Variants in TSHZ2 observed in about 807,000 individuals in gnomAD.
TSHZ2 encodes the protein teashirt zinc finger homeobox 2.
In TSHZ2, 21 loss-of-function variants were observed where a neutral mutation model predicts 74.4. The observed-to-expected ratio is 0.28, with a 90% CI of 0.20 to 0.41. The LOEUF is 0.41. Ranked by LOEUF, TSHZ2 falls within the 10% of genes least tolerant of loss-of-function variation. TSHZ2 has a pLI of 1.00. For missense variants in TSHZ2, 1,244 were observed against 1,293.5 expected, an observed-to-expected ratio of 0.96 and a Z score of 0.59; for synonymous variants, 540 against 515.3, an observed-to-expected ratio of 1.05 and a Z score of -0.65.
At chr20:53,132,376 A>G (rs1987128898) in intron 1 of TSHZ2, among the ~76,000 whole-genome samples, 1 of 148,616 alleles carries the variant, frequency 6.7e-6, no homozygotes, top group Non-Finnish European at 1.5e-5. Context: ...CAGTGGCACC[A>G]TCTTGGCTCA....
chr20:53,314,363 C>T (rs1391215806), intron 2 of TSHZ2, among the ~76,000 whole-genome samples: 1 of 151,868 alleles, frequency 6.6e-6, no homozygotes, highest in Non-Finnish European at 1.5e-5. Flanking sequence ...CGACCCCAAA[C>T]CTAGCAGCTT....
chr20:53,470,750 T>G (rs1318111587), intron 2 of TSHZ2, among the ~76,000 whole-genome samples: 2 of 152,064 alleles, frequency 1.3e-5, no homozygotes, highest in Non-Finnish European at 2.9e-5. Flanking sequence ...GAGGCAGAGG[T>G]TGCAGTGAGC....
chr20:53,255,738 C>T lies in TSHZ2; in HGVS notation c.2280C>T (p.Asn760=). The T allele has an allele frequency of 6.2e-7, 1 of 1,613,414 alleles. No homozygotes were observed. The highest frequency in any genetic ancestry group is 8.5e-7 in the Non-Finnish European group (1 of 1,179,688). Reference sequence around the variant, plus strand: ...TGTCCAGGCGCTACCTGTTTGAGAACAGCGATCAGCCCATTGACCTGACCA... The same window carrying T: ...TGTCCAGGCGCTACCTGTTTGAGAATAGCGATCAGCCCATTGACCTGACCA... ...ASVSRRYLFE[N]SDQPIDLTKS... is the part of the protein sequence containing the mutation. The change falls in exon 2 of 3, where the codon AAC becomes AAT. Residue 760 remains asparagine (N), a synonymous_variant. Coordinates refer to ENST00000371497, the MANE Select transcript of TSHZ2 (RefSeq NM_173485.6). This position sits in a 1 kb window ranked among gnomAD's most constrained non-coding sequence, Gnocchi z 4.1.
intron 1 of TSHZ2, among the ~76,000 whole-genome samples, chr20:53,145,224 C>T (rs556404229): frequency 3.9e-5 from 6 of 152,280 alleles, no homozygotes; most frequent in Admixed American, 2.6e-4. Flanking sequence ...CTGATCAGGA[C>T]ATGGTGGGTG....
chr20:53,483,369 C>T (rs912598798), intron 2 of TSHZ2, among the ~76,000 whole-genome samples: 1 of 151,974 alleles, frequency 6.6e-6, no homozygotes, highest in Admixed American at 6.6e-5. Context: ...AAAACTTAGC[C>T]GGGCATGGTG....
At chr20:53,320,418 A>G (rs1004946167) in intron 2 of TSHZ2, among the ~76,000 whole-genome samples, 10 of 152,172 alleles carry the variant, frequency 6.6e-5, no homozygotes, top group Non-Finnish European at 1.0e-4. Flanking sequence ...TCCTGCCACT[A>G]TTTGCATCAG....
At chr20:53,247,060 C>A (rs577667659) in intron 1 of TSHZ2, among the ~76,000 whole-genome samples, 1 of 152,224 alleles carries the variant, frequency 6.6e-6, no homozygotes, top group South Asian at 2.1e-4. Context: ...GTACCCACGC[C>A]ATCTCCAGCA....
intron 1 of TSHZ2, among the ~76,000 whole-genome samples, chr20:53,158,149 C>G (rs1162591453): frequency 1.3e-5 from 2 of 152,132 alleles, no homozygotes; most frequent in East Asian, 3.9e-4. Flanking sequence ...ACAGCCAAGA[C>G]CCGGAAGTCA....
intron 1 of TSHZ2, among the ~76,000 whole-genome samples, chr20:53,022,401 A>G (rs1233681414): frequency 6.6e-6 from 1 of 152,082 alleles, no homozygotes; most frequent in Non-Finnish European, 1.5e-5. Flanking sequence ...ACGTGCAGTA[A>G]ACTAGCTGCT....
intron 1 of TSHZ2, among the ~76,000 whole-genome samples, chr20:53,020,090 C>T (rs6022215): frequency 0.087 from 13,202 of 152,044 alleles, 709 homozygotes; most frequent in East Asian, 0.16. Flanking sequence ...CTCGTGAGAA[C>T]CCCCGCACTA....
At chr20:53,228,654 G>A (rs1989743547) in intron 1 of TSHZ2, among the ~76,000 whole-genome samples, 1 of 139,736 alleles carries the variant, frequency 7.2e-6, no homozygotes, top group Non-Finnish European at 1.6e-5. Flanking sequence ...GATGCCAGTG[G>A]CACCACCTCC....
At chr20:53,274,545 C>A (rs905511508) in intron 2 of TSHZ2, among the ~76,000 whole-genome samples, 1 of 152,182 alleles carries the variant, frequency 6.6e-6, no homozygotes, top group East Asian at 1.9e-4. Context: ...TTACTGAAAT[C>A]TTGCGTAATT....
intron 1 of TSHZ2, among the ~76,000 whole-genome samples, chr20:53,190,605 C>T (rs889083699): frequency 5.9e-5 from 9 of 152,172 alleles, no homozygotes; most frequent in African/African-American, 2.2e-4. Context: ...ATTCATGAGG[C>T]TTCGCAGCTT....
rs139444029 is a variant in TSHZ2 at position 53,217,108 on chromosome 20, G to T, written c.41-36391G>T. On this transcript the variant is annotated intron_variant, in intron 1 of 2. Transcript: ENST00000371497. ...GAAAGTCACATTGCTGGTGATGTGC[G>T]GCTGTATCGATGGATGAGTAATTGC... Among the ~76,000 whole-genome samples, 323 of 152,324 alleles carry T rather than the reference G, an allele frequency of 2.1e-3. 1 individual carries two copies. The highest frequency in any genetic ancestry group is 7.6e-3 in the African/African-American group (314 of 41,586).
At chr20:53,452,566 T>G (rs963916646) in intron 2 of TSHZ2, among the ~76,000 whole-genome samples, 5 of 148,422 alleles carry the variant, frequency 3.4e-5, no homozygotes, top group African/African-American at 1.0e-4. Context: ...GCCACCGCAC[T>G]CTAGCCTGGG....
intron 1 of TSHZ2, among the ~76,000 whole-genome samples, chr20:53,146,518 T>C (rs889171073): frequency 5.3e-5 from 8 of 152,222 alleles, no homozygotes; most frequent in African/African-American, 1.9e-4. Context: ...CTTCAGGATG[T>C]GGCTCAGGAT....
chr20:53,147,243 C>CT, intron 1 of TSHZ2, among the ~76,000 whole-genome samples: 1 of 152,284 alleles, frequency 6.6e-6, no homozygotes, highest in South Asian at 2.1e-4. Flanking sequence ...CTTTTAGTGA[C>CT]AATTGATGGG....
At chr20:53,214,483 A>T (rs1989389023) in intron 1 of TSHZ2, among the ~76,000 whole-genome samples, 1 of 152,224 alleles carries the variant, frequency 6.6e-6, no homozygotes, top group Admixed American at 6.5e-5. Flanking sequence ...AGGCCGGCAG[A>T]TCACTTGAAC....
At chr20:53,106,422 T>TTTTTTG (rs1986371166) in intron 1 of TSHZ2, among the ~76,000 whole-genome samples, 1 of 104,996 alleles carries the variant, frequency 9.5e-6, no homozygotes, top group African/African-American at 4.1e-5. Flanking sequence ...TTTTTTTTTT[T>TTTTTTG]GAGACGGAGT....
Sources: allele counts gnomAD v4.1 joint callset (sites outside exome capture counted in the v4.1 genomes callset), GRCh38; gene constraint gnomAD v4.1.1; non-coding constraint Gnocchi (gnomAD v3.1); transcripts MANE v1.5; gene names NCBI Gene and HGNC (gene_info 2026-07-23, HGNC 2026-07-21).